Variants in ZMIZ1 observed in about 807,000 individuals in gnomAD.
ZMIZ1 encodes zinc finger MIZ domain-containing protein 1.
In ZMIZ1, 17 loss-of-function variants were observed where a neutral mutation model predicts 113.9. The ratio of observed to expected loss-of-function variants is 0.15; its 90% CI spans 0.10 to 0.22. ZMIZ1 has a LOEUF of 0.22. Among genes scored for constraint, ZMIZ1 ranks in the 10% least tolerant of loss-of-function variants. The pLI is 1.00. For missense variants in ZMIZ1, 1,059 were observed against 1,477.8 expected, an observed-to-expected ratio of 0.72 and a Z score of 4.65; for synonymous variants, 607 against 603.1, an observed-to-expected ratio of 1.01 and a Z score of -0.09.
At chr10:79,212,003 G>A (rs1848548124) in intron 6 of ZMIZ1, among the ~76,000 whole-genome samples, 1 of 152,190 alleles carries the variant, frequency 6.6e-6, no homozygotes, top group African/African-American at 2.4e-5. Flanking sequence ...TGCCAGTAAT[G>A]GAGACCCCTT....
chr10:79,265,823 C>A (rs1474997622), intron 7 of ZMIZ1, among the ~76,000 whole-genome samples: 2 of 152,178 alleles, frequency 1.3e-5, no homozygotes, highest in African/African-American at 4.8e-5. Context: ...GACCCTGTCA[C>A]CCTCAGAGTC....
At chr10:79,099,290 G>A (rs774545251) in intron 1 of ZMIZ1, among the ~76,000 whole-genome samples, 22 of 152,114 alleles carry the variant, frequency 1.4e-4, no homozygotes, top group Non-Finnish European at 2.6e-4. Context: ...CGCTCCTTGA[G>A]AGTGCCCTGG....
At chr10:79,241,308 T>G (rs1174510254) in intron 7 of ZMIZ1, among the ~76,000 whole-genome samples, 3 of 152,050 alleles carry the variant, frequency 2.0e-5, no homozygotes, top group Admixed American at 2.0e-4. Flanking sequence ...AGTGGGGAGA[T>G]GGGCGAGTCT....
intron 7 of ZMIZ1, among the ~76,000 whole-genome samples, chr10:79,262,886 G>A (rs557167091): frequency 2.0e-5 from 3 of 152,324 alleles, no homozygotes; most frequent in South Asian, 2.1e-4. Context: ...TAACAGCCAG[G>A]CATATGTGAT....
At chr10:79,261,582 G>A (rs1315265822) in intron 7 of ZMIZ1, among the ~76,000 whole-genome samples, 2 of 152,216 alleles carry the variant, frequency 1.3e-5, no homozygotes, top group Non-Finnish European at 2.9e-5. Context: ...GCAGTGAGGC[G>A]GAGCCTGCAG....
intron 1 of ZMIZ1, among the ~76,000 whole-genome samples, chr10:79,116,237 C>T (rs746437281): frequency 6.6e-6 from 1 of 152,090 alleles, no homozygotes; most frequent in Non-Finnish European, 1.5e-5. Context: ...AGTTCCCCAT[C>T]CTACCCTGAA....
At chr10:79,311,294 T>TGGG in intron 24 of ZMIZ1, 110 bp downstream of exon 24, 11 of 99,142 alleles carry the variant, frequency 1.1e-4, no homozygotes, top group East Asian at 3.8e-4. Flanking sequence ...AGGAGGTGGG[T>TGGG]GGGCGGTGGG....
At position 79,310,947 on chromosome 10, in the gene ZMIZ1, C is replaced by T; in HGVS notation, c.2859C>T (p.Asp953=). The T allele has an allele frequency of 6.2e-7, 1 of 1,613,744 alleles. No individual in the cohort carries two copies. The highest frequency in any genetic ancestry group is 8.5e-7 in the Non-Finnish European group (1 of 1,179,850). Residue 953 remains aspartate (D), a synonymous_variant, in exon 24 of 25, where the codon GAC becomes GAT. Transcript: ENST00000334512. ...QETMPHAGSS[D]QPHPSIQQGL... ...AGATGCCACACGCTGGCAGCTCTGACCAGCCCCACCCCTCCATACAACAAG... is the reference window on the plus strand; with the variant it reads ...AGATGCCACACGCTGGCAGCTCTGATCAGCCCCACCCCTCCATACAACAAG...
chr10:79,094,676 C>A (rs989108026), intron 1 of ZMIZ1, among the ~76,000 whole-genome samples: 35 of 152,344 alleles, frequency 2.3e-4, no homozygotes, highest in Middle Eastern at 3.4e-3. Context: ...GCCAGGTGCA[C>A]AGTGGCTCAC....
chr10:79,223,416 A>T (rs1849070739), intron 7 of ZMIZ1, among the ~76,000 whole-genome samples: 1 of 152,126 alleles, frequency 6.6e-6, no homozygotes, highest in African/African-American at 2.4e-5. Context: ...CCACCCCCAC[A>T]TACAAGCTCA....
chr10:79,290,915 G>A (rs2132027954), intron 9 of ZMIZ1, 44 bp from the exon 10 acceptor site: 1 of 1,603,352 alleles, frequency 6.2e-7, no homozygotes, highest in Non-Finnish European at 8.5e-7. Flanking sequence ...TCTCCACACT[G>A]CCTCGGGTAG....
intron 1 of ZMIZ1, among the ~76,000 whole-genome samples, chr10:79,117,204 A>G (rs777553499): frequency 2.0e-5 from 3 of 152,242 alleles, no homozygotes; most frequent in African/African-American, 7.2e-5. Context: ...AACTCACAAA[A>G]TGTCACTCAC....
chr10:79,169,922 G>C (rs1268955410), intron 4 of ZMIZ1, among the ~76,000 whole-genome samples: 1 of 152,220 alleles, frequency 6.6e-6, no homozygotes, highest in Non-Finnish European at 1.5e-5. Context: ...GCATTTGTTA[G>C]CTCTGGACCC....
At chr10:79,168,595 G>A (rs1264448949) in intron 4 of ZMIZ1, among the ~76,000 whole-genome samples, 2 of 152,252 alleles carry the variant, frequency 1.3e-5, no homozygotes, top group Non-Finnish European at 2.9e-5. Flanking sequence ...ACAAGGTGAT[G>A]TCTAGCATCC....
chr10:79,192,233 G>A (rs1847636922), intron 4 of ZMIZ1, among the ~76,000 whole-genome samples: 3 of 152,262 alleles, frequency 2.0e-5, no homozygotes. Context: ...CCAGCCCTGT[G>A]TGGGTTGGGT....
chr10:79,148,203 A>T (rs751783912), intron 3 of ZMIZ1, among the ~76,000 whole-genome samples: 2 of 152,194 alleles, frequency 1.3e-5, no homozygotes, highest in Non-Finnish European at 2.9e-5. Context: ...TCCACAAAAG[A>T]TACATCCCTC....
chr10:79,094,419 C>T (rs759167304), intron 1 of ZMIZ1, among the ~76,000 whole-genome samples: 3 of 152,240 alleles, frequency 2.0e-5, no homozygotes, highest in Non-Finnish European at 2.9e-5. Flanking sequence ...CAGAGCTCAG[C>T]GGCCTGGGTT....
At chr10:79,288,246 G>A (rs12252750) in intron 8 of ZMIZ1, among the ~76,000 whole-genome samples, 5,407 of 152,260 alleles carry the variant, frequency 0.036, 309 homozygotes, top group African/African-American at 0.12. Flanking sequence ...CGCTGCCTGC[G>A]GGTCATGCAG....
intron 7 of ZMIZ1, among the ~76,000 whole-genome samples, chr10:79,261,299 G>A (rs1001918729): frequency 2.6e-5 from 4 of 152,164 alleles, no homozygotes; most frequent in South Asian, 2.1e-4. Flanking sequence ...CTCCCTACCC[G>A]GTGTTCCCTT....
Sources: gnomAD v4.1 joint callset for allele counts (sites outside exome capture counted in the v4.1 genomes callset) on GRCh38, gnomAD v4.1.1 for gene constraint, MANE v1.5 for transcripts, NCBI Gene and HGNC (gene_info 2026-07-23, HGNC 2026-07-21) for gene names.